Variants in ANKRD36 observed in about 807,000 individuals in gnomAD.
The protein encoded by ANKRD36 is ankyrin repeat domain 36.
In ANKRD36, 179 loss-of-function variants were observed where a neutral mutation model predicts 278.1. The observed-to-expected ratio is 0.64, with a 90% CI of 0.57 to 0.73. ANKRD36 has a LOEUF of 0.73. Ranked by LOEUF, ANKRD36 falls within the 30% of genes least tolerant of loss-of-function variation. The pLI, the probability that ANKRD36 is intolerant of heterozygous loss-of-function variation, is 0.00. For synonymous variants in ANKRD36, 320 were observed against 641.1 expected (o/e 0.50, Z 7.57); for missense variants, 1,159 against 1,956.7 (o/e 0.59, Z 7.69).
chr2:97,213,644 G>A (rs2065234607), intron 60 of ANKRD36, 30 bp downstream of exon 60: 2 of 520,990 alleles, frequency 3.8e-6, no homozygotes, highest in African/African-American at 4.2e-5. Flanking sequence ...TTAATGTCAT[G>A]TTCAGTCCAG....
Position 97,141,202 on chromosome 2 carries a change from A to AG in ANKRD36, c.800-1438_800-1437insG, listed in dbSNP as rs961696155. On this transcript the variant is annotated intron_variant, in intron 6 of 75. Transcript: ENST00000420699. The stretch of plus-strand genomic sequence containing the variant: ...ATGTATATCTTGAGTACTAAAAAAA[A>AG]CTACCAATATTCTTGGCAATCATGA... Among the ~76,000 whole-genome samples the AG allele has an allele frequency of 2.6e-5, 4 of 151,186 alleles. No individual in the cohort carries two copies. In the East Asian group the frequency reaches 5.8e-4, roughly 22 times the overall value.
chr2:97,129,951 C>A (rs192540651), intron 6 of ANKRD36, among the ~76,000 whole-genome samples: 30 of 152,036 alleles, frequency 2.0e-4, no homozygotes, highest in Non-Finnish European at 4.1e-4. Context: ...CTTGGCAATG[C>A]GGGCTCTTTT....
In ANKRD36 at chr2:97,211,828, A is replaced by C. The variant is rs1465816121; in HGVS notation, c.3469+87A>C. 5 of 1,416,448 alleles carry C rather than the reference A, an allele frequency of 3.5e-6. No individual in the cohort carries two copies. The African/African-American group carries it at 7.2e-5, about 20-fold the overall frequency. The allele number at this position is 1,416,448 out of a possible 1,614,324, so 87.7% of individuals were successfully genotyped here. A position where few individuals can be genotyped will look rare whatever the true frequency, so the allele number is the denominator to read the frequency against. ...CAAATAAAACAGCGGGGGGTTCGTC[A>C]AGCCTTCATGTTCTGCTTCAGTATT... On this transcript the variant is annotated intron_variant, in intron 58 of 75. Transcript: ENST00000420699.
At chr2:97,170,656 T>C (rs1025343924) in intron 22 of ANKRD36, among the ~76,000 whole-genome samples, 1 of 151,704 alleles carries the variant, frequency 6.6e-6, no homozygotes, top group African/African-American at 2.4e-5. Flanking sequence ...GGACTTCATG[T>C]CCAAAACACC....
chr2:97,222,447 G>T (rs1423811898), intron 66 of ANKRD36, among the ~76,000 whole-genome samples: 1 of 152,066 alleles, frequency 6.6e-6, no homozygotes, highest in East Asian at 2.0e-4. Flanking sequence ...GCCACCAATG[G>T]TGTAGGAGGG....
intron 10 of ANKRD36, among the ~76,000 whole-genome samples, chr2:97,145,546 A>G (rs191282288): frequency 3.3e-5 from 5 of 152,244 alleles, no homozygotes; most frequent in African/African-American, 1.2e-4. Context: ...AGACTATTTT[A>G]GAACCAAAAA....
chr2:97,228,468 G>C (rs1323033741), intron 67 of ANKRD36, among the ~76,000 whole-genome samples: 1 of 152,054 alleles, frequency 6.6e-6, no homozygotes, highest in Non-Finnish European at 1.5e-5. Flanking sequence ...TATTTCTGTG[G>C]GATCGGTGGT....
At chr2:97,206,263 T>C (rs2062826534) in intron 52 of ANKRD36, 128 bp downstream of exon 52, 2 of 1,115,846 alleles carry the variant, frequency 1.8e-6, no homozygotes, top group South Asian at 3.4e-5. Context: ...GATTCTTCAT[T>C]TGTAGTACGT....
rs2042374272 is a variant in ANKRD36 at position 97,139,657 on chromosome 2, A to G, written c.800-2983A>G. Among the ~76,000 whole-genome samples the G allele has an allele frequency of 1.3e-5, 2 of 152,100 alleles. 1 individual carries two copies. Among genetic ancestry groups the G allele is most frequent in the Admixed American group, 1.3e-4 (2 of 15,224 alleles). On this transcript the variant is annotated intron_variant, in intron 6 of 75. Transcript: ENST00000420699. Reference sequence around the variant, plus strand: ...GGTTGCTTTTATTGATTTGTACTATATTAGAAATGAAACAGAAGTATGGGA... The same window carrying G: ...GGTTGCTTTTATTGATTTGTACTATGTTAGAAATGAAACAGAAGTATGGGA...
chr2:97,199,273 A>G (rs1338763986), intron 44 of ANKRD36, among the ~76,000 whole-genome samples: 3 of 151,936 alleles, frequency 2.0e-5, no homozygotes, highest in Non-Finnish European at 2.9e-5. Flanking sequence ...GCAGGAAACA[A>G]TGGTATAATT....
intron 6 of ANKRD36, among the ~76,000 whole-genome samples, chr2:97,131,363 T>C (rs1355581229): frequency 6.6e-6 from 1 of 151,924 alleles, no homozygotes; most frequent in Non-Finnish European, 1.5e-5. Context: ...AAGCTAACTT[T>C]TTTATTTTTT....
intron 1 of ANKRD36, among the ~76,000 whole-genome samples, chr2:97,115,450 CAA>C (rs1352247586): frequency 3.1e-4 from 47 of 152,086 alleles, no homozygotes; most frequent in Non-Finnish European, 5.6e-4. Flanking sequence ...TAACAAAAGA[CAA>C]TATGTGTATA....
At chr2:97,213,098 A>G (rs1032751452) in intron 58 of ANKRD36, 4 of 425,402 alleles carry the variant, frequency 9.4e-6, no homozygotes, top group East Asian at 5.8e-5. Flanking sequence ...TCTCAATTGT[A>G]TGAGTTGCTC....
intron 64 of ANKRD36, among the ~76,000 whole-genome samples, chr2:97,218,136 G>T (rs1270682668): frequency 1.5e-4 from 23 of 149,994 alleles, no homozygotes; most frequent in Non-Finnish European, 3.0e-4. Flanking sequence ...TTTCCAAAGT[G>T]CTGGCTGTCT....
intron 22 of ANKRD36, among the ~76,000 whole-genome samples, chr2:97,171,457 A>C (rs1368101139): frequency 7.7e-5 from 11 of 142,910 alleles, no homozygotes; most frequent in African/African-American, 2.9e-4. Context: ...AAGAACAAAA[A>C]ACCAAACACC....
Position 97,113,426 on chromosome 2 carries a change from C to T in ANKRD36, c.-314C>T. ...GGCGACAGTTAAACAGGCCCTGGGG[C>T]AGGGCGCGCCTCGCGCTCCAGGGAG... On this transcript the variant is annotated 5_prime_UTR_variant, in exon 1 of 76. Coordinates refer to ENST00000420699, the MANE Select transcript of ANKRD36 (RefSeq NM_001354587.1). 1 of 425,376 alleles carries T rather than the reference C, an allele frequency of 2.4e-6. No individual in the cohort carries two copies. Among genetic ancestry groups the T allele is most frequent in the South Asian group, 2.6e-5 (1 of 38,230 alleles). The allele number at this position is 425,376 out of a possible 1,614,324, so 26.4% of individuals were successfully genotyped here. A position where few individuals can be genotyped will look rare whatever the true frequency, so the allele number is the denominator to read the frequency against.
intron 42 of ANKRD36, among the ~76,000 whole-genome samples, 183 bp downstream of exon 42, chr2:97,196,971 C>G (rs1467204426): frequency 6.6e-6 from 1 of 151,858 alleles, no homozygotes; most frequent in Admixed American, 6.6e-5. Context: ...TGATCTTCGC[C>G]GTAAGATTAT....
At chr2:97,211,628 A>G (rs755379268) in intron 57 of ANKRD36, 41 bp from the exon 58 acceptor site, 15 of 1,594,188 alleles carry the variant, frequency 9.4e-6, no homozygotes, top group South Asian at 2.3e-5. Flanking sequence ...TATATGAAAT[A>G]TACTTTATTT....
chr2:97,203,603 G>A (rs1449640963), intron 48 of ANKRD36, among the ~76,000 whole-genome samples: 2 of 151,788 alleles, frequency 1.3e-5, no homozygotes, highest in Non-Finnish European at 2.9e-5. Flanking sequence ...GAATTGTCAT[G>A]GTAATTGTGT....
Sources: gnomAD v4.1 joint callset for allele counts (sites outside exome capture counted in the v4.1 genomes callset) on GRCh38, gnomAD v4.1.1 for gene constraint, MANE v1.5 for transcripts, NCBI Gene and HGNC (gene_info 2026-07-23, HGNC 2026-07-21) for gene names.